The following PEX1 variants were observed in gnomAD, a reference collection of about 807,000 sequenced individuals.
PEX1 encodes the protein peroxisomal ATPase PEX1.
Under a neutral mutation model 152.5 loss-of-function variants are expected in PEX1, and 97 were observed. The ratio of observed to expected loss-of-function variants is 0.64; its 90% CI spans 0.54 to 0.75. The LOEUF is 0.75. PEX1 is among the 30% of genes least tolerant of loss of function. The pLI is 0.00. For synonymous variants in PEX1, 485 were observed against 531.6 expected (o/e 0.91, Z 1.21); for missense variants, 1,357 against 1,516.3 (o/e 0.89, Z 1.74).
intron 1 of PEX1, among the ~76,000 whole-genome samples, chr7:92,524,428 G>A (rs531311081): frequency 2.2e-4 from 33 of 151,824 alleles, no homozygotes; most frequent in African/African-American, 7.2e-4. Flanking sequence ...CCAAATGCCC[G>A]GCTAATTTTT....
chr7:92,503,822 GTAA>G (rs999357990), intron 12 of PEX1, among the ~76,000 whole-genome samples: 106 of 151,980 alleles, frequency 7.0e-4, no homozygotes, highest in African/African-American at 2.4e-3. Context: ...AACACACTAG[GTAA>G]TAATAATCCA....
chr7:92,491,802 T>C (rs1049096312), intron 20 of PEX1, among the ~76,000 whole-genome samples: 3 of 152,196 alleles, frequency 2.0e-5, no homozygotes, highest in Non-Finnish European at 2.9e-5. Context: ...ATTCATACTT[T>C]TCTACTCCAA....
At chr7:92,508,818 A>G (rs1222614448) in intron 9 of PEX1, among the ~76,000 whole-genome samples, 1 of 152,148 alleles carries the variant, frequency 6.6e-6, no homozygotes, top group Non-Finnish European at 1.5e-5. Context: ...AATTTTTTAA[A>G]TATTTGTTTT....
rs143549785 is a variant in PEX1, at chr7:92,525,666, C to T, written c.129+2641G>A. On this transcript the variant is annotated intron_variant, in intron 1 of 23. Transcript: ENST00000248633. ...ATCTTAAAATGTACAGGAGAGCCCC[C>T]AAAACAAAAAATTATCCAGCTCAAA... Among the ~76,000 whole-genome samples, 1,360 of 152,100 alleles carry T rather than the reference C, an allele frequency of 8.9e-3. 17 individuals carry two copies. Among genetic ancestry groups the T allele is most frequent in the African/African-American group, 0.031 (1,279 of 41,474 alleles).
chr7:92,487,947 C>T (rs1364162508), intron 23 of PEX1, among the ~76,000 whole-genome samples: 1 of 152,098 alleles, frequency 6.6e-6, no homozygotes, highest in African/African-American at 2.4e-5. Context: ...ATTTCAAAAG[C>T]CTTAAAAAAT....
At position 92,496,686 on chromosome 7, in the gene PEX1, C is replaced by CT. The variant is rs1164247394; in HGVS notation, c.2783+26dup. 5 of 1,476,630 alleles carry CT rather than the reference C, an allele frequency of 3.4e-6. No homozygotes were observed. The South Asian group carries it at 5.7e-5, about 17-fold the overall frequency. The allele number at this position is 1,476,630 out of a possible 1,614,324, so 91.5% of individuals were successfully genotyped here. ...TGATAAATAATAACAGAGTCAGTTA[C>CT]TTTAAAAACATTCATAGGCTACCAA... is the stretch of plus-strand genomic sequence containing the variant. On this transcript the variant is annotated intron_variant, in intron 17 of 23. Coordinates refer to ENST00000248633, the MANE Select transcript of PEX1 (RefSeq NM_000466.3).
chr7:92,496,142 G>C (rs1288356030), intron 17 of PEX1, among the ~76,000 whole-genome samples: 1 of 151,880 alleles, frequency 6.6e-6, no homozygotes, highest in Non-Finnish European at 1.5e-5. Flanking sequence ...TGTATTTTAT[G>C]TATATTCTCT....
intron 8 of PEX1, 42 bp from the exon 9 acceptor site, chr7:92,509,453 G>T: frequency 7.1e-7 from 1 of 1,412,692 alleles, no homozygotes; most frequent in Non-Finnish European, 1.0e-6. Flanking sequence ...TTCAAAGTAT[G>T]TCTTTTGCAT....
chr7:92,504,891 C>T lies in PEX1; in HGVS notation c.1912G>A (p.Glu638Lys). The change falls in exon 12 of 24, where the codon GAA becomes AAA. Residue 638 changes from glutamate (E) to lysine (K), a missense_variant. Physicochemically the swap from Glu to Lys is moderately conservative, Grantham distance 56 (BLOSUM62 1). Coordinates refer to ENST00000248633, the MANE Select transcript of PEX1 (RefSeq NM_000466.3). ...ACCTCTAGGGTTTTTTGTATGTTTT[C>T]AAGCCTTTTTCCTTAATACAGAAGA... Reference protein sequence around the residue: ...DCKALRGKRLENIQKTLEVAF... With the variant: ...DCKALRGKRLKNIQKTLEVAF... 2 of 1,613,084 alleles carry T rather than the reference C, an allele frequency of 1.2e-6. No individual in the cohort carries two copies. The highest frequency in any genetic ancestry group is 1.7e-6 in the Non-Finnish European group (2 of 1,179,080).
chr7:92,492,764 C>T (rs541587964), intron 20 of PEX1, among the ~76,000 whole-genome samples, 189 bp downstream of exon 20: 37 of 152,274 alleles, frequency 2.4e-4, no homozygotes, highest in African/African-American at 8.2e-4. Context: ...AGACATCAAA[C>T]TTCATAATTA....
intron 5 of PEX1, among the ~76,000 whole-genome samples, chr7:92,516,182 T>C (rs937393885): frequency 1.3e-5 from 2 of 151,980 alleles, no homozygotes; most frequent in African/African-American, 4.8e-5. Flanking sequence ...TCCCAGCACT[T>C]TGGGAGGCCG....
intron 19 of PEX1, chr7:92,493,939 T>C (rs910036994): frequency 6.1e-5 from 17 of 278,794 alleles, no homozygotes; most frequent in Non-Finnish European, 1.1e-4. Flanking sequence ...CTTACATGCT[T>C]ACGATTCACA....
chr7:92,506,830 C>T, intron 10 of PEX1, 164 bp downstream of exon 10: 2 of 691,846 alleles, frequency 2.9e-6, no homozygotes, highest in Non-Finnish European at 5.0e-6. Flanking sequence ...AAAGCAGACA[C>T]ACAGAAATAT....
chr7:92,506,189 T>G, intron 11 of PEX1, 59 bp downstream of exon 11: 1 of 905,714 alleles, frequency 1.1e-6, no homozygotes, highest in South Asian at 1.3e-5. Flanking sequence ...GCATTATGTA[T>G]AACATTCCTG....
intron 5 of PEX1, among the ~76,000 whole-genome samples, chr7:92,515,067 C>CTATATA (rs67750906): frequency 1.6e-5 from 2 of 125,162 alleles, no homozygotes; most frequent in Non-Finnish European, 3.3e-5. Flanking sequence ...AAAAAATTAT[C>CTATATA]TATATATATA....
intron 12 of PEX1, among the ~76,000 whole-genome samples, chr7:92,504,168 T>C (rs761070973): frequency 8.6e-5 from 13 of 152,040 alleles, no homozygotes; most frequent in Non-Finnish European, 1.2e-4. Context: ...TATATGCTCC[T>C]ACACTACTCT....
At chr7:92,493,657 A>C (rs1289681535) in intron 19 of PEX1, 2 of 153,702 alleles carry the variant, frequency 1.3e-5, no homozygotes. Context: ...AAACCCAAAA[A>C]CCTACAAAAT....
At chr7:92,488,011 G>A (rs1791028821) in intron 23 of PEX1, among the ~76,000 whole-genome samples, 2 of 152,180 alleles carry the variant, frequency 1.3e-5, no homozygotes, top group Non-Finnish European at 1.5e-5. Context: ...AATTAGATAT[G>A]TGCATATATT....
chr7:92,494,708 T>C, intron 17 of PEX1, 79 bp from the exon 18 acceptor site: 2 of 1,070,774 alleles, frequency 1.9e-6, no homozygotes, highest in East Asian at 2.7e-5. Context: ...TATATGAATG[T>C]ATTTATTTTA....
Sources: gnomAD v4.1 joint callset for allele counts (sites outside exome capture counted in the v4.1 genomes callset) on GRCh38, gnomAD v4.1.1 for gene constraint, MANE v1.5 for transcripts, NCBI Gene and HGNC (gene_info 2026-07-23, HGNC 2026-07-21) for gene names.